The following PPM1L variants were observed in gnomAD, a reference collection of about 807,000 sequenced individuals.
The protein encoded by PPM1L is protein phosphatase, Mg2+/Mn2+ dependent 1L, also known as protein phosphatase 1L.
A neutral mutation model predicts 31.4 loss-of-function variants in PPM1L; 13 were observed. That is an observed-to-expected ratio of 0.41 (90% confidence interval 0.27 to 0.66). The LOEUF is 0.66. Among genes scored for constraint, PPM1L ranks in the 30% least tolerant of loss-of-function variants. The pLI, the probability that PPM1L is intolerant of heterozygous loss-of-function variation, is 0.29. For synonymous variants in PPM1L, 184 were observed against 175.4 expected, an observed-to-expected ratio of 1.05 and a Z score of -0.39; for missense variants, 326 against 453.7, an observed-to-expected ratio of 0.72 and a Z score of 2.56.
intron 2 of PPM1L, among the ~76,000 whole-genome samples, chr3:160,965,454 A>G (rs758118582): frequency 2.0e-5 from 3 of 152,094 alleles, no homozygotes; most frequent in Admixed American, 6.6e-5. Context: ...ACTAAATTAC[A>G]TGAGATTCAA....
At chr3:161,052,631 T>C (rs777069090) in intron 2 of PPM1L, among the ~76,000 whole-genome samples, 20 of 152,172 alleles carry the variant, frequency 1.3e-4, no homozygotes, top group Non-Finnish European at 2.9e-4. Flanking sequence ...GTCATATACA[T>C]GCAAGGGGAT....
At chr3:160,911,834 C>A (rs979332051) in intron 1 of PPM1L, among the ~76,000 whole-genome samples, 2 of 152,126 alleles carry the variant, frequency 1.3e-5, no homozygotes, top group African/African-American at 2.4e-5. Flanking sequence ...TTTAACTGTA[C>A]CACTTCCTAA....
chr3:161,033,625 A>G (rs1023459640), intron 2 of PPM1L, among the ~76,000 whole-genome samples: 1 of 152,246 alleles, frequency 6.6e-6, no homozygotes, highest in South Asian at 2.1e-4. Context: ...GGGTTGGGAT[A>G]ACTGGCTAGC....
At chr3:160,953,692 A>C (rs1715644054) in intron 1 of PPM1L, among the ~76,000 whole-genome samples, 1 of 152,228 alleles carries the variant, frequency 6.6e-6, no homozygotes. Flanking sequence ...AAATAAGTTT[A>C]ATACCTTTTC....
At chr3:160,922,170 C>T (rs371280814) in intron 1 of PPM1L, among the ~76,000 whole-genome samples, 26 of 152,012 alleles carry the variant, frequency 1.7e-4, no homozygotes, top group African/African-American at 5.3e-4. Flanking sequence ...ATTAGCCGGG[C>T]GTGGTGGCAG....
At chr3:160,945,580 T>G (rs577363021) in intron 1 of PPM1L, among the ~76,000 whole-genome samples, 84 of 152,184 alleles carry the variant, frequency 5.5e-4, no homozygotes, top group Non-Finnish European at 9.9e-4. Flanking sequence ...TTGAGGACAC[T>G]GTGACTTGTG....
chr3:160,767,161 C>T (rs1715124014), intron 1 of PPM1L, among the ~76,000 whole-genome samples: 1 of 152,090 alleles, frequency 6.6e-6, no homozygotes, highest in African/African-American at 2.4e-5. Context: ...TTTTACCATA[C>T]CATCCACCAT....
intron 1 of PPM1L, among the ~76,000 whole-genome samples, chr3:160,903,214 G>GTA (rs1271622002): frequency 2.6e-3 from 341 of 132,828 alleles, no homozygotes; most frequent in African/African-American, 9.9e-3. Context: ...ATGTTTGTGT[G>GTA]TGTGTGTGTG....
At chr3:161,058,588 C>A (rs1719488497) in intron 2 of PPM1L, among the ~76,000 whole-genome samples, 1 of 151,694 alleles carries the variant, frequency 6.6e-6, no homozygotes, top group African/African-American at 2.4e-5. Context: ...TATACAAACT[C>A]ATAATGCTGG....
intron 1 of PPM1L, among the ~76,000 whole-genome samples, chr3:160,889,430 C>T (rs1713051844): frequency 6.6e-6 from 1 of 152,110 alleles, no homozygotes; most frequent in Non-Finnish European, 1.5e-5. Context: ...GACATATACA[C>T]CCTCCCAAGA....
chr3:160,759,442 G>A (rs1714909629), intron 1 of PPM1L, among the ~76,000 whole-genome samples: 1 of 151,860 alleles, frequency 6.6e-6, no homozygotes, highest in Non-Finnish European at 1.5e-5. Flanking sequence ...TTTAAGCTGA[G>A]ATGCTGATAG....
intron 2 of PPM1L, among the ~76,000 whole-genome samples, chr3:161,039,583 T>C (rs1360383340): frequency 6.6e-6 from 1 of 152,054 alleles, no homozygotes; most frequent in African/African-American, 2.4e-5. Context: ...AGTGCAGGGG[T>C]GCGATCTCGG....
intron 2 of PPM1L, among the ~76,000 whole-genome samples, chr3:160,992,071 G>A (rs867107251): frequency 2.0e-4 from 31 of 152,084 alleles, no homozygotes; most frequent in Middle Eastern, 3.2e-3. Context: ...GCTTGCCTAA[G>A]GTTGTATAAC....
At chr3:161,030,229 T>C (rs1264442579) in intron 2 of PPM1L, among the ~76,000 whole-genome samples, 2 of 152,226 alleles carry the variant, frequency 1.3e-5, no homozygotes, top group Non-Finnish European at 1.5e-5. Flanking sequence ...TAAGGATTAG[T>C]GACCTTATGA....
At chr3:160,886,216 G>A (rs1712911472) in intron 1 of PPM1L, among the ~76,000 whole-genome samples, 1 of 152,180 alleles carries the variant, frequency 6.6e-6, no homozygotes. Flanking sequence ...CCCTGGGCCT[G>A]TGCCCCTAGT....
chr3:160,816,774 A>G (rs1329076927), intron 1 of PPM1L, among the ~76,000 whole-genome samples: 1 of 152,062 alleles, frequency 6.6e-6, no homozygotes, highest in Admixed American at 6.6e-5. Flanking sequence ...TGAGGCCCCC[A>G]TCATAAGATT....
intron 1 of PPM1L, among the ~76,000 whole-genome samples, chr3:160,770,111 C>CT (rs1199418345): frequency 1.3e-5 from 2 of 152,092 alleles, no homozygotes; most frequent in African/African-American, 4.8e-5. Context: ...TCCTATTTAG[C>CT]TTTAGTAGCA....
At chr3:161,010,932 G>A (rs551714832) in intron 2 of PPM1L, among the ~76,000 whole-genome samples, 3 of 152,300 alleles carry the variant, frequency 2.0e-5, no homozygotes, top group South Asian at 2.1e-4. Flanking sequence ...TGACACATGA[G>A]TAGATTGCAA....
chr3:160,910,213 C>A (rs189624839), intron 1 of PPM1L, among the ~76,000 whole-genome samples: 364 of 107,908 alleles, frequency 3.4e-3, no homozygotes, highest in Non-Finnish European at 5.3e-3. Flanking sequence ...CTGTCCCTTT[C>A]CCCTTCCCCT....
Sources: gnomAD v4.1 joint callset for allele counts (sites outside exome capture counted in the v4.1 genomes callset) on GRCh38, gnomAD v4.1.1 for gene constraint, MANE v1.5 for transcripts, NCBI Gene and HGNC (gene_info 2026-07-23, HGNC 2026-07-21) for gene names.